The following LMO7 variants were observed in gnomAD, a reference collection of about 807,000 sequenced individuals.
LMO7 encodes LIM domain 7, also known as LIM domain only protein 7.
In LMO7, 120 loss-of-function variants were observed where a neutral mutation model predicts 206.5. The ratio of observed to expected loss-of-function variants is 0.58; its 90% confidence interval spans 0.50 to 0.68. The LOEUF (loss-of-function observed/expected upper bound fraction) is 0.68, where lower values mean the gene tolerates loss of function less well. Among genes scored for constraint, LMO7 ranks in the 30% least tolerant of loss-of-function variants. The probability of loss-of-function intolerance (pLI) is 0.00; values close to 1 mark genes in which losing one functional copy is unlikely to be tolerated. For missense variants in LMO7, 1,959 were observed against 1,957.9 expected (o/e 1.00, Z -0.01); for synonymous variants, 706 against 681.5 (o/e 1.04, Z -0.56).
At chr13:75,748,610 A>G (rs1406040600) in intron 3 of LMO7, among the ~76,000 whole-genome samples, 2 of 152,182 alleles carry the variant, frequency 1.3e-5, no homozygotes, top group African/African-American at 4.8e-5. Context: ...ATGAGGGACA[A>G]TGGATGTTGA....
At position 75,849,283 on chromosome 13, in the gene LMO7, T is replaced by C. The variant is rs1005532048; in HGVS notation, c.4355T>C (p.Ile1452Thr). ...AAAGAGCCTGTTAGTCTTCCTGGGA[T>C]CATGAGAAGGTGCGAGACATCTTAG... is the stretch of plus-strand genomic sequence containing the variant. ...VNKEPVSLPG[I>T]MRRGESLDNL... Residue 1452 changes from isoleucine to threonine, a missense_variant, in exon 27 of 31, where the codon ATC becomes ACC. Physicochemically the swap from Ile to Thr is moderately conservative, Grantham distance 89. Coordinates refer to ENST00000377534, the MANE Select transcript of LMO7 (RefSeq NM_001306080.2). 19 of 1,613,366 alleles carry C rather than the reference T, an allele frequency of 1.2e-5. No individual in the cohort carries two copies. The highest frequency in any genetic ancestry group is 1.6e-5 in the Non-Finnish European group (19 of 1,179,462).
At chr13:75,804,240 T>G in intron 7 of LMO7, 49 bp from the exon 8 acceptor site, 1 of 1,576,516 alleles carries the variant, frequency 6.3e-7, no homozygotes. Flanking sequence ...GGGTTTCAGT[T>G]AGGCGAATAA....
intron 2 of LMO7, among the ~76,000 whole-genome samples, chr13:75,713,957 A>C (rs1258512390): frequency 6.6e-6 from 1 of 152,220 alleles, no homozygotes; most frequent in Non-Finnish European, 1.5e-5. Context: ...GGGTGAAGGT[A>C]GAGGTTGCAG....
intron 4 of LMO7, chr13:75,788,917 C>G (rs1209662036): frequency 6.6e-6 from 1 of 152,326 alleles, no homozygotes; most frequent in East Asian, 1.9e-4. Context: ...GGGCTGGGGA[C>G]AGAATCACTC....
At chr13:75,724,425 A>G (rs189157029) in intron 2 of LMO7, among the ~76,000 whole-genome samples, 61 of 152,248 alleles carry the variant, frequency 4.0e-4, no homozygotes, top group African/African-American at 1.5e-3. Context: ...CTGATTCTAG[A>G]TCCTAGTACA....
At chr13:75,715,369 T>A (rs2043453926) in intron 2 of LMO7, among the ~76,000 whole-genome samples, 1 of 152,238 alleles carries the variant, frequency 6.6e-6, no homozygotes, top group Admixed American at 6.5e-5. Flanking sequence ...TTTGGATGAA[T>A]GTTTAGAGAT....
At chr13:75,624,223 G>T (rs1184796596) in intron 2 of LMO7, among the ~76,000 whole-genome samples, 1 of 152,156 alleles carries the variant, frequency 6.6e-6, no homozygotes, top group East Asian at 1.9e-4. Context: ...TTTACTGAAG[G>T]TTTCCACACT....
intron 3 of LMO7, among the ~76,000 whole-genome samples, chr13:75,748,815 CTT>C (rs376720178): frequency 9.1e-5 from 13 of 143,040 alleles, no homozygotes; most frequent in East Asian, 2.0e-4. Context: ...TTCTTTCTTT[CTT>C]TTTTTTTTTT....
rs188590017 is a variant in LMO7 at position 75,761,380 on chromosome 13, G to A, written c.317+342G>A. On this transcript the variant is annotated intron_variant, in intron 4 of 30. Coordinates refer to ENST00000377534, the MANE Select transcript of LMO7 (RefSeq NM_001306080.2). ...TTTAGGGGTTATATTATAGCTTGCA[G>A]AGTAACAACAATCTTTAAATTTTTT... 3.3e-4 allele frequency among the ~76,000 whole-genome samples: 51 copies of A among 152,268 alleles called. No homozygotes were observed. In the East Asian group the frequency reaches 9.1e-3, roughly 27 times the overall value.
At chr13:75,670,792 A>G (rs1260266869) in intron 1 of LMO7, among the ~76,000 whole-genome samples, 4 of 152,172 alleles carry the variant, frequency 2.6e-5, no homozygotes, top group African/African-American at 9.7e-5. Context: ...TTTATAAAAA[A>G]TGATTTTTGT....
chr13:75,822,843 T>C (rs1252794794), intron 14 of LMO7, among the ~76,000 whole-genome samples: 1 of 126,152 alleles, frequency 7.9e-6, no homozygotes, highest in Non-Finnish European at 1.7e-5. Context: ...TATATATATA[T>C]AAAACTTTTG....
At chr13:75,672,879 C>A (rs2039709141) in intron 1 of LMO7, among the ~76,000 whole-genome samples, 1 of 151,944 alleles carries the variant, frequency 6.6e-6, no homozygotes, top group South Asian at 2.1e-4. Flanking sequence ...GGAGCTCTTT[C>A]CTTATAGAAA....
Position 75,853,137 on chromosome 13 carries a change from G to T in LMO7, c.4410G>T (p.Trp1470Cys), listed in dbSNP as rs373943183. ...TGGACTCCCCCCGATCCAATTCTTG[G>T]AGACAGCCTCCTTGGCTCAATCAGC... ...DNLDSPRSNS[W>C]RQPPWLNQPT... is the part of the protein sequence containing the mutation. The change falls in exon 28 of 31, where the codon TGG (tryptophan) becomes TGT (cysteine). Residue 1470 changes from tryptophan (W) to cysteine (C), a missense_variant. Trp to Cys is a radical substitution (Grantham distance 215). Coordinates refer to ENST00000377534, the MANE Select transcript of LMO7 (RefSeq NM_001306080.2). 10 of 1,612,714 alleles carry T rather than the reference G, an allele frequency of 6.2e-6. No individual in the cohort carries two copies. The African/African-American group carries it at 9.4e-5, about 15-fold the overall frequency.
intron 1 of LMO7, among the ~76,000 whole-genome samples, chr13:75,693,914 G>A (rs1214388227): frequency 6.6e-6 from 1 of 152,000 alleles, no homozygotes; most frequent in Non-Finnish European, 1.5e-5. Context: ...TTCCTGATTT[G>A]TGCTCTTTAG....
intron 3 of LMO7, among the ~76,000 whole-genome samples, chr13:75,739,501 C>T (rs2046244653): frequency 6.6e-6 from 1 of 152,180 alleles, no homozygotes; most frequent in African/African-American, 2.4e-5. Flanking sequence ...GTTTCCCTTG[C>T]CTTCATAATG....
At chr13:75,737,190 C>T (rs2045897210) in intron 3 of LMO7, among the ~76,000 whole-genome samples, 1 of 152,064 alleles carries the variant, frequency 6.6e-6, no homozygotes, top group South Asian at 2.1e-4. Context: ...AAAACACAGA[C>T]ACACAGGAAG....
chr13:75,784,113 T>A (rs1254628534), intron 4 of LMO7, among the ~76,000 whole-genome samples: 1 of 152,154 alleles, frequency 6.6e-6, no homozygotes, highest in Non-Finnish European at 1.5e-5. Context: ...GTGGCAGTGG[T>A]ATCTAGTGGG....
chr13:75,683,204 A>G (rs1187615419), intron 1 of LMO7, among the ~76,000 whole-genome samples: 1 of 152,042 alleles, frequency 6.6e-6, no homozygotes, highest in Non-Finnish European at 1.5e-5. Context: ...TTCAAAGAGT[A>G]AAAGTTTTAA....
intron 2 of LMO7, among the ~76,000 whole-genome samples, chr13:75,630,920 T>G (rs2034851209): frequency 1.3e-5 from 2 of 152,168 alleles, no homozygotes; most frequent in Non-Finnish European, 2.9e-5. Flanking sequence ...CCTCCCAAAG[T>G]GCTGGGATTA....
Sources: allele counts gnomAD v4.1 joint callset (sites outside exome capture counted in the v4.1 genomes callset), GRCh38; gene constraint gnomAD v4.1.1; transcripts MANE v1.5; gene names NCBI Gene and HGNC (gene_info 2026-07-23, HGNC 2026-07-21).